Variants in LUZP2 observed in about 807,000 individuals in gnomAD.
LUZP2 encodes the protein leucine zipper protein 2.
In LUZP2, 52 loss-of-function variants were observed where a neutral mutation model predicts 51.6. That is an observed-to-expected ratio of 1.01 (90% CI 0.81 to 1.27). The LOEUF (loss-of-function observed/expected upper bound fraction) is 1.27. Ranked by LOEUF, LUZP2 falls within the 50% of genes most tolerant of loss-of-function variation. LUZP2 has a pLI of 0.00. For missense variants in LUZP2, 436 were observed against 395.4 expected (o/e 1.10, Z -0.87); for synonymous variants, 154 against 137.3 (o/e 1.12, Z -0.85).
intron 9 of LUZP2, among the ~76,000 whole-genome samples, chr11:25,042,386 T>C (rs1364001599): frequency 6.6e-6 from 1 of 152,196 alleles, no homozygotes; most frequent in Non-Finnish European, 1.5e-5. Context: ...ATTTAAAAGA[T>C]GTAGGCTTCA....
chr11:24,606,426 A>T lies in LUZP2; in HGVS notation c.62+109121A>T, dbSNP rs370157279. 5.3e-5 allele frequency among the ~76,000 whole-genome samples: 8 copies of T among 152,062 alleles called. No homozygotes were observed. In the East Asian group the frequency reaches 1.5e-3, roughly 29 times the overall value. ...TAAAAATGAATTTTTGTCTTGGATT[A>T]TTTTCAGCTTAAGATGGGTTTATCC... is the stretch of plus-strand genomic sequence containing the variant. On this transcript the variant is annotated intron_variant, in intron 1 of 11. Coordinates refer to ENST00000336930, the MANE Select transcript of LUZP2 (RefSeq NM_001009909.4).
At chr11:24,892,379 C>A (rs1335779551) in intron 5 of LUZP2, 1 of 984,972 alleles carries the variant, frequency 1.0e-6, no homozygotes, top group African/African-American at 1.7e-5. Context: ...AAAGTTCTTA[C>A]AACTCTCAAT....
intron 1 of LUZP2, among the ~76,000 whole-genome samples, chr11:24,704,565 G>A (rs1857515661): frequency 6.6e-6 from 1 of 151,764 alleles, no homozygotes; most frequent in Non-Finnish European, 1.5e-5. Context: ...ATGTCAGTGA[G>A]TGGAATTTAA....
At chr11:25,055,479 C>A (rs995870087) in intron 10 of LUZP2, among the ~76,000 whole-genome samples, 3 of 151,976 alleles carry the variant, frequency 2.0e-5, no homozygotes, top group South Asian at 2.1e-4. Context: ...TATATAAATG[C>A]AAGTAATTTT....
intron 5 of LUZP2, among the ~76,000 whole-genome samples, chr11:24,881,430 T>C (rs1220745121): frequency 6.6e-6 from 1 of 151,968 alleles, no homozygotes; most frequent in African/African-American, 2.4e-5. Flanking sequence ...GATGGATGAG[T>C]CATGTCTAAA....
intron 5 of LUZP2, among the ~76,000 whole-genome samples, chr11:24,769,482 A>G (rs1357878395): frequency 1.3e-5 from 2 of 152,194 alleles, no homozygotes; most frequent in African/African-American, 2.4e-5. Flanking sequence ...TGTGTATTGA[A>G]CATCACATTG....
At chr11:24,555,212 A>G (rs1282793781) in intron 1 of LUZP2, among the ~76,000 whole-genome samples, 3 of 152,160 alleles carry the variant, frequency 2.0e-5, no homozygotes, top group Non-Finnish European at 4.4e-5. Flanking sequence ...TATGGAAGAA[A>G]GCCATAAGTA....
intron 5 of LUZP2, among the ~76,000 whole-genome samples, chr11:24,816,000 T>TTTA (rs1344601440): frequency 1.2e-3 from 11 of 9,522 alleles, no homozygotes; most frequent in Admixed American, 6.4e-3. Flanking sequence ...TATCTTCTTT[T>TTTA]TTTTTTAAAA....
At chr11:24,647,347 T>C (rs1291014220) in intron 1 of LUZP2, among the ~76,000 whole-genome samples, 2 of 151,936 alleles carry the variant, frequency 1.3e-5, no homozygotes, top group East Asian at 3.9e-4. Flanking sequence ...TTATCAAGAC[T>C]GTGAATGCAG....
intron 9 of LUZP2, among the ~76,000 whole-genome samples, chr11:25,032,511 C>G (rs1027853651): frequency 2.0e-5 from 3 of 152,078 alleles, no homozygotes; most frequent in Admixed American, 6.6e-5. Context: ...TCCTTTTACT[C>G]TGATACTCCC....
intron 7 of LUZP2, among the ~76,000 whole-genome samples, chr11:24,947,420 G>C (rs529019425): frequency 4.0e-5 from 6 of 151,898 alleles, no homozygotes; most frequent in African/African-American, 1.4e-4. Flanking sequence ...ACACTGAATA[G>C]CTTACACTAG....
At chr11:24,531,761 T>C (rs1347782691) in intron 1 of LUZP2, among the ~76,000 whole-genome samples, 3 of 151,016 alleles carry the variant, frequency 2.0e-5, no homozygotes, top group African/African-American at 7.3e-5. Flanking sequence ...AAGAGAAATT[T>C]CAAAATTATC....
intron 8 of LUZP2, among the ~76,000 whole-genome samples, chr11:24,978,811 G>A (rs556940482): frequency 1.3e-5 from 2 of 151,818 alleles, no homozygotes; most frequent in South Asian, 4.2e-4. Flanking sequence ...TTTGCAACTG[G>A]AATTTGGCCT....
chr11:24,921,328 G>C (rs941002975), intron 7 of LUZP2, among the ~76,000 whole-genome samples: 4 of 152,108 alleles, frequency 2.6e-5, no homozygotes, highest in African/African-American at 9.7e-5. Context: ...GGTTTGACCA[G>C]GTGTGTCATT....
intron 5 of LUZP2, among the ~76,000 whole-genome samples, chr11:24,820,125 A>C (rs2716481): frequency 0.98 from 149,810 of 152,148 alleles, 73,793 homozygotes; most frequent in East Asian, 1. Context: ...AGAAAAAAAT[A>C]TTTGAAATAA....
chr11:24,648,033 T>C (rs1185552536), intron 1 of LUZP2, among the ~76,000 whole-genome samples: 1 of 151,978 alleles, frequency 6.6e-6, no homozygotes, highest in East Asian at 1.9e-4. Context: ...CCTGCTGTGC[T>C]AGCCCTGTTT....
At position 25,050,115 on chromosome 11, in the gene LUZP2, C is replaced by T. The variant is rs373962070; in HGVS notation, c.843C>T (p.Ala281=). 29 of 1,596,264 alleles carry T rather than the reference C, an allele frequency of 1.8e-5. No individual in the cohort carries two copies. The highest frequency in any genetic ancestry group is 1.2e-4 in the Admixed American group (7 of 57,768). The change falls in exon 10 of 12, where the codon GCC becomes GCT. Residue 281 remains alanine (A), a synonymous_variant. Transcript: ENST00000336930. ...AGGAAGGAAATCCAAGTACCACTGCCTGTGACTCTCAAGATGTAAGAAAAA... is the reference window on the plus strand; with the variant it reads ...AGGAAGGAAATCCAAGTACCACTGCTTGTGACTCTCAAGATGTAAGAAAAA... ...STKEGNPSTT[A]CDSQDEGRPC...
intron 10 of LUZP2, among the ~76,000 whole-genome samples, chr11:25,059,878 T>C (rs1299687902): frequency 6.6e-6 from 1 of 152,068 alleles, no homozygotes; most frequent in Non-Finnish European, 1.5e-5. Flanking sequence ...TCTATTATGA[T>C]AGGAATCAAA....
chr11:24,798,442 C>A (rs1564906928), intron 5 of LUZP2, among the ~76,000 whole-genome samples: 1 of 152,160 alleles, frequency 6.6e-6, no homozygotes, highest in Non-Finnish European at 1.5e-5. Flanking sequence ...GGCCATCCTT[C>A]CACCTCAGCC....
Sources: gnomAD v4.1 joint callset for allele counts (sites outside exome capture counted in the v4.1 genomes callset) on GRCh38, gnomAD v4.1.1 for gene constraint, MANE v1.5 for transcripts, NCBI Gene and HGNC (gene_info 2026-07-23, HGNC 2026-07-21) for gene names.